The following GLG1 variants were observed in gnomAD, a reference collection of about 807,000 sequenced individuals.
GLG1 encodes Golgi apparatus protein 1.
GLG1 carries 38 observed loss-of-function variants against 160.5 expected under a neutral mutation model. The ratio of observed to expected loss-of-function variants is 0.24; its 90% CI spans 0.18 to 0.31. The LOEUF (loss-of-function observed/expected upper bound fraction) is 0.31, where lower values mean the gene tolerates loss of function less well. GLG1 is among the 10% of genes least tolerant of loss of function. The probability of loss-of-function intolerance (pLI) is 1.00; values close to 1 mark genes in which losing one functional copy is unlikely to be tolerated. For synonymous variants in GLG1, 644 were observed against 543.4 expected (o/e 1.19, Z -2.57); for missense variants, 1,373 against 1,505.2 (o/e 0.91, Z 1.45).
At chr16:74,570,829 A>G (rs2018803934) in intron 1 of GLG1, among the ~76,000 whole-genome samples, 4 of 152,208 alleles carry the variant, frequency 2.6e-5, no homozygotes, top group Admixed American at 2.6e-4. Context: ...TTGAGGCTAC[A>G]GCAAGCTACA....
rs888379518 is a variant in GLG1, at chr16:74,602,784, C to CA, written c.438+3872dup. Among the ~76,000 whole-genome samples the CA allele has an allele frequency of 2.2e-3, 257 of 116,252 alleles. 1 individual carries two copies. Among genetic ancestry groups the CA allele is most frequent in the Non-Finnish European group, 2.8e-3 (153 of 54,718 alleles). The allele number at this position is 116,252 out of a possible 152,430, so 76.3% of individuals were successfully genotyped here. On this transcript the variant is annotated intron_variant, in intron 1 of 25. Transcript: ENST00000422840. Reference sequence around the variant, plus strand: ...GGTGACAGAGTGAGACTCTGTCTCTCAAAAAAAAAAAAGGGTGGGAACAGT... The same window carrying CA: ...GGTGACAGAGTGAGACTCTGTCTCTCAAAAAAAAAAAAAGGGTGGGAACAGT...
chr16:74,548,253 A>G (rs2018103909), intron 1 of GLG1, among the ~76,000 whole-genome samples: 2 of 152,250 alleles, frequency 1.3e-5, no homozygotes, highest in Admixed American at 6.5e-5. Flanking sequence ...TGGTAAAACC[A>G]TAACATCACA....
intron 7 of GLG1, among the ~76,000 whole-genome samples, chr16:74,492,294 G>C (rs921047331): frequency 2.6e-5 from 4 of 151,320 alleles, no homozygotes; most frequent in African/African-American, 9.7e-5. Flanking sequence ...CTGAACTAGG[G>C]AGTCGGAGGT....
At chr16:74,478,908 A>G (rs374007580) in intron 11 of GLG1, among the ~76,000 whole-genome samples, 2,292 of 123,384 alleles carry the variant, frequency 0.019, 62 homozygotes, top group African/African-American at 0.066. Flanking sequence ...AAAAAAAAAA[A>G]GGGGGGGGTT....
chr16:74,590,225 T>C (rs1958142110), intron 1 of GLG1, among the ~76,000 whole-genome samples: 1 of 152,042 alleles, frequency 6.6e-6, no homozygotes, highest in South Asian at 2.1e-4. Context: ...GGTCTTGATC[T>C]CCTGATCTCG....
Position 74,465,457 on chromosome 16 carries a change from A to G in GLG1, c.2667+219T>C, listed in dbSNP as rs545377435. On this transcript the variant is annotated intron_variant, in intron 19 of 25. Transcript: ENST00000422840. ...GAGCCTGCATCAGAACCCCCTAGGG[A>G]GGCAGCTAAGGCAGACTTCGTGCTC... Among the ~76,000 whole-genome samples, 70 of 152,174 alleles carry G rather than the reference A, an allele frequency of 4.6e-4. No homozygotes were observed. The South Asian group carries it at 0.012, about 27-fold the overall frequency.
chr16:74,547,659 T>C (rs574118325), intron 1 of GLG1, among the ~76,000 whole-genome samples: 37 of 152,408 alleles, frequency 2.4e-4, no homozygotes, highest in African/African-American at 7.7e-4. Context: ...ATTTGAGCTA[T>C]GATGAAGAGA....
chr16:74,530,631 T>A (rs1364523055), intron 2 of GLG1, among the ~76,000 whole-genome samples: 1 of 151,602 alleles, frequency 6.6e-6, no homozygotes, highest in African/African-American at 2.4e-5. Context: ...TGTGTATTTA[T>A]CCTTTTTTTT....
At chr16:74,498,468 T>TATATATATATATATATATATATATATATG (rs1491206560) in intron 4 of GLG1, among the ~76,000 whole-genome samples, 1 of 29,668 alleles carries the variant, frequency 3.4e-5, no homozygotes, top group Non-Finnish European at 7.0e-5. Flanking sequence ...ATATATATAT[T>TATATATATATATATATATATATATATATG]ATATTTTATA....
Position 74,494,744 on chromosome 16 carries a change from T to G in GLG1, c.1050+16A>C, listed in dbSNP as rs1203820247. 2 of 1,158,284 alleles carry G rather than the reference T, an allele frequency of 1.7e-6. No homozygotes were observed. The highest frequency in any genetic ancestry group is 4.4e-4 in the Middle Eastern group (2 of 4,510). The allele number at this position is 1,158,284 out of a possible 1,614,324, so 71.8% of individuals were successfully genotyped here. ...AAAACAAATAAAACATTCATTAGTT[T>G]CAAAATAATACTTACCTTTTCACTC... On this transcript the variant is annotated intron_variant, in intron 6 of 25. Transcript: ENST00000422840.
intron 1 of GLG1, chr16:74,552,830 C>T (rs2018240521): frequency 6.6e-6 from 1 of 152,668 alleles, no homozygotes; most frequent in African/African-American, 2.4e-5. Context: ...AGTGTTTAAC[C>T]TGTGGTTTGA....
intron 2 of GLG1, among the ~76,000 whole-genome samples, chr16:74,509,201 T>G (rs187623922): frequency 6.7e-4 from 96 of 143,954 alleles, no homozygotes; most frequent in African/African-American, 2.4e-3. Context: ...AGACAGAGTT[T>G]CACTCTTGTT....
At chr16:74,453,444 G>A in intron 25 of GLG1, 110 bp from the exon 26 acceptor site, 1 of 667,350 alleles carries the variant, frequency 1.5e-6, no homozygotes, top group Non-Finnish European at 2.6e-6. Flanking sequence ...CTTTTCTTTT[G>A]GAGAGGGAGG....
chr16:74,576,196 CA>C (rs896062527), intron 1 of GLG1, among the ~76,000 whole-genome samples: 103 of 136,188 alleles, frequency 7.6e-4, no homozygotes, highest in African/African-American at 7.3e-4. Flanking sequence ...GACTCCTTCT[CA>C]AAAAAAAAAA....
intron 21 of GLG1, 63 bp downstream of exon 21, chr16:74,462,425 A>C: frequency 1.3e-6 from 2 of 1,486,636 alleles, no homozygotes; most frequent in Non-Finnish European, 1.9e-6. Context: ...ATTTCAAAAG[A>C]GAAAATTCCC....
rs1385158057 is a variant in GLG1 at position 74,447,621 on chromosome 16, A to AT, written c.*5545dup. ...TTTACAAAAGAGGCTTGTTAATTGT[A>AT]TTTTTTTCTTTCTTTCAAAAACAAA... On this transcript the variant is annotated 3_prime_UTR_variant, in exon 26 of 26. Transcript: ENST00000422840. 6.6e-6 allele frequency: 1 copy of AT among 152,218 alleles called. No homozygotes were observed. The highest frequency in any genetic ancestry group is 2.4e-5 in the African/African-American group (1 of 41,454). 9.4% of individuals were successfully genotyped at this position (152,218 alleles called of 1,614,324 possible). A position where few individuals can be genotyped will look rare whatever the true frequency, so the allele number is the denominator to read the frequency against.
At chr16:74,500,245 A>C (rs1460173346) in intron 4 of GLG1, among the ~76,000 whole-genome samples, 1 of 152,218 alleles carries the variant, frequency 6.6e-6, no homozygotes, top group Non-Finnish European at 1.5e-5. Flanking sequence ...CATTATGAGA[A>C]AATAAGCTCA....
At chr16:74,516,534 T>G (rs2016983426) in intron 2 of GLG1, among the ~76,000 whole-genome samples, 2 of 152,098 alleles carry the variant, frequency 1.3e-5, no homozygotes, top group Non-Finnish European at 2.9e-5. Context: ...CACACCAGAA[T>G]CTCTGGGACA....
intron 11 of GLG1, among the ~76,000 whole-genome samples, chr16:74,479,073 A>AAAAAAAAAAAAAAAG (rs1567469672): frequency 8.2e-5 from 11 of 134,388 alleles, no homozygotes; most frequent in African/African-American, 2.8e-4. Context: ...AAAAAAAAAA[A>AAAAAAAAAAAAAAAG]AAAAAGCCAG....
Sources: allele counts gnomAD v4.1 joint callset (sites outside exome capture counted in the v4.1 genomes callset), GRCh38; gene constraint gnomAD v4.1.1; transcripts MANE v1.5; gene names NCBI Gene and HGNC (gene_info 2026-07-23, HGNC 2026-07-21).